Variants in SPAG16 observed in about 807,000 individuals in gnomAD.
SPAG16 encodes sperm-associated antigen 16 protein.
Under a neutral mutation model 80.4 loss-of-function variants are expected in SPAG16, and 86 were observed. The ratio of observed to expected loss-of-function variants is 1.07; its 90% CI spans 0.90 to 1.28. The LOEUF (loss-of-function observed/expected upper bound fraction) is 1.28, where lower values mean the gene tolerates loss of function less well. Ranked by LOEUF, SPAG16 falls within the 50% of genes most tolerant of loss-of-function variation. The pLI, the probability that SPAG16 is intolerant of heterozygous loss-of-function variation, is 0.00. For missense variants in SPAG16, 870 were observed against 765.3 expected, an observed-to-expected ratio of 1.14 and a Z score of -1.61; for synonymous variants, 294 against 265.9, an observed-to-expected ratio of 1.11 and a Z score of -1.03.
intron 1 of SPAG16, among the ~76,000 whole-genome samples, chr2:213,295,766 CA>C (rs556348038): frequency 1.2e-3 from 185 of 152,120 alleles, no homozygotes; most frequent in Non-Finnish European, 2.3e-3. Flanking sequence ...TATATTTTCA[CA>C]AGCCTTCATA....
At chr2:213,889,685 A>T (rs2076707233) in intron 11 of SPAG16, among the ~76,000 whole-genome samples, 3 of 147,756 alleles carry the variant, frequency 2.0e-5, no homozygotes, top group African/African-American at 7.4e-5. Flanking sequence ...ATATATATAC[A>T]TATACATATA....
intron 10 of SPAG16, among the ~76,000 whole-genome samples, chr2:213,858,342 A>G (rs1476086389): frequency 6.6e-6 from 1 of 152,192 alleles, no homozygotes; most frequent in Non-Finnish European, 1.5e-5. Flanking sequence ...GCCTTCAGGA[A>G]CCACAACTCT....
chr2:213,606,726 A>G (rs994585715), intron 10 of SPAG16, among the ~76,000 whole-genome samples: 2 of 152,168 alleles, frequency 1.3e-5, no homozygotes, highest in East Asian at 1.9e-4. Flanking sequence ...TCTCTACTTT[A>G]GCTTGCTGAT....
intron 10 of SPAG16, among the ~76,000 whole-genome samples, chr2:213,780,475 T>G (rs1481841908): frequency 6.6e-6 from 1 of 152,138 alleles, no homozygotes; most frequent in East Asian, 1.9e-4. Context: ...GGACCTAATG[T>G]TTTTTCAACT....
chr2:213,937,769 TGAAAAATTGA>T (rs1242089064), intron 12 of SPAG16, among the ~76,000 whole-genome samples: 2 of 152,056 alleles, frequency 1.3e-5, no homozygotes, highest in African/African-American at 4.8e-5. Context: ...CTGTCATGTT[TGAAAAATTGA>T]GAATCTCTCA....
At chr2:214,009,648 G>A (rs1239269205) in intron 12 of SPAG16, among the ~76,000 whole-genome samples, 1 of 152,164 alleles carries the variant, frequency 6.6e-6, no homozygotes, top group African/African-American at 2.4e-5. Context: ...AATAGAGCCT[G>A]TGATGCTACG....
chr2:213,790,599 G>T (rs1439257418), intron 10 of SPAG16, among the ~76,000 whole-genome samples: 3 of 150,562 alleles, frequency 2.0e-5, no homozygotes, highest in Non-Finnish European at 4.4e-5. Context: ...TATTTGTTTT[G>T]GTCTGTTTTA....
At chr2:213,428,234 A>C (rs981581668) in intron 9 of SPAG16, among the ~76,000 whole-genome samples, 4 of 152,160 alleles carry the variant, frequency 2.6e-5, no homozygotes, top group African/African-American at 9.7e-5. Flanking sequence ...GTCCCAATAT[A>C]GGAGAGGGAG....
chr2:213,610,735 C>T (rs751484731), intron 10 of SPAG16, among the ~76,000 whole-genome samples: 3 of 152,064 alleles, frequency 2.0e-5, no homozygotes, highest in Non-Finnish European at 4.4e-5. Flanking sequence ...AGGAAGAACG[C>T]GTCTACCCTA....
At chr2:214,016,409 CT>C (rs1184446205) in intron 13 of SPAG16, among the ~76,000 whole-genome samples, 6 of 152,160 alleles carry the variant, frequency 3.9e-5, no homozygotes, top group Non-Finnish European at 8.8e-5. Flanking sequence ...AAACTCACCC[CT>C]GATTCAGTTA....
chr2:213,642,419 A>C (rs1350776459), intron 10 of SPAG16, among the ~76,000 whole-genome samples: 1 of 152,102 alleles, frequency 6.6e-6, no homozygotes, highest in African/African-American at 2.4e-5. Context: ...GATGGTTAAT[A>C]CTGAGTGTCA....
intron 11 of SPAG16, among the ~76,000 whole-genome samples, chr2:213,897,283 A>G (rs1018770144): frequency 6.6e-6 from 1 of 152,298 alleles, no homozygotes; most frequent in Non-Finnish European, 1.5e-5. Flanking sequence ...TTTGGCTATG[A>G]CTTACAAGTA....
chr2:213,854,744 C>A (rs1267867395), intron 10 of SPAG16, among the ~76,000 whole-genome samples: 4 of 152,236 alleles, frequency 2.6e-5, no homozygotes, highest in Non-Finnish European at 4.4e-5. Context: ...GTCTAGCTAG[C>A]TAACACTGGA....
At chr2:214,211,761 A>G (rs938905380) in intron 15 of SPAG16, among the ~76,000 whole-genome samples, 1 of 152,168 alleles carries the variant, frequency 6.6e-6, no homozygotes, top group Non-Finnish European at 1.5e-5. Flanking sequence ...CATGGCCAGC[A>G]AATTGTCAAG....
chr2:213,948,141 T>C (rs750909088), intron 12 of SPAG16, among the ~76,000 whole-genome samples: 1 of 152,140 alleles, frequency 6.6e-6, no homozygotes, highest in Non-Finnish European at 1.5e-5. Context: ...AATCCACCTA[T>C]AGTTTTTCCT....
At chr2:213,657,618 A>C (rs772664878) in intron 10 of SPAG16, among the ~76,000 whole-genome samples, 3 of 152,168 alleles carry the variant, frequency 2.0e-5, no homozygotes, top group Non-Finnish European at 4.4e-5. Flanking sequence ...AATTCCTTTC[A>C]GCAGTGTGTT....
intron 15 of SPAG16, among the ~76,000 whole-genome samples, chr2:214,380,587 G>GTTGT (rs989206905): frequency 2.6e-4 from 40 of 152,174 alleles, no homozygotes; most frequent in African/African-American, 9.2e-4. Context: ...TGGCATGTAT[G>GTTGT]TTGTTTAATT....
intron 10 of SPAG16, among the ~76,000 whole-genome samples, chr2:213,648,053 T>A (rs2125136283): frequency 6.6e-6 from 1 of 152,328 alleles, no homozygotes; most frequent in East Asian, 1.9e-4. Flanking sequence ...TTTTATAGGA[T>A]TATCCGCTCA....
chr2:214,013,688 G>A (rs546812063), intron 12 of SPAG16, among the ~76,000 whole-genome samples: 1 of 152,122 alleles, frequency 6.6e-6, no homozygotes, highest in Non-Finnish European at 1.5e-5. Context: ...TCATGGTAAA[G>A]TATAAATGAG....
Sources: gnomAD v4.1 joint callset for allele counts (sites outside exome capture counted in the v4.1 genomes callset) on GRCh38, gnomAD v4.1.1 for gene constraint, MANE v1.5 for transcripts, NCBI Gene and HGNC (gene_info 2026-07-23, HGNC 2026-07-21) for gene names.